Variants in PCDHGA7 observed in about 807,000 individuals in gnomAD.
PCDHGA7 encodes the protein protocadherin gamma subfamily A, 7, also known as protocadherin gamma-A7.
A neutral mutation model predicts 58.3 loss-of-function variants in PCDHGA7; 44 were observed. The observed-to-expected ratio is 0.75, with a 90% CI of 0.59 to 0.97. PCDHGA7 has a LOEUF of 0.97. PCDHGA7 is among the 50% of genes least tolerant of loss of function. The probability of loss-of-function intolerance (pLI) is 0.00; values close to 1 mark genes in which losing one functional copy is unlikely to be tolerated. For synonymous variants in PCDHGA7, 516 were observed against 504.2 expected (o/e 1.02, Z -0.31); for missense variants, 1,266 against 1,188.7 (o/e 1.06, Z -0.96).
chr5:141,417,980 C>A lies in PCDHGA7; in HGVS notation c.2424+32657C>A, dbSNP rs905203424. On this transcript the variant is annotated intron_variant, in intron 1 of 3. Transcript: ENST00000518325. ...GATCCGCTACTCGATTCCGGAGGAG[C>A]TGGCCAAGGGCTCGGTGGTGGGGAA... is the stretch of plus-strand genomic sequence containing the variant. 4.3e-6 allele frequency: 7 copies of A among 1,613,856 alleles called. No homozygotes were observed. The Admixed American group carries it at 1.0e-4, about 23-fold the overall frequency.
At chr5:141,462,302 A>C (rs2099036796) in intron 1 of PCDHGA7, among the ~76,000 whole-genome samples, 1 of 152,222 alleles carries the variant, frequency 6.6e-6, no homozygotes, top group African/African-American at 2.4e-5. Context: ...GTATTACCCA[A>C]ATATATTTGT....
rs1029080327 is a variant in PCDHGA7 at position 141,512,737 on chromosome 5, G to C, written c.*1564G>C. 6.5e-5 allele frequency: 10 copies of C among 152,868 alleles called. No individual in the cohort carries two copies. The highest frequency in any genetic ancestry group is 2.4e-4 in the African/African-American group (10 of 41,472). 9.5% of individuals were successfully genotyped at this position (152,868 alleles called of 1,614,324 possible). On this transcript the variant is annotated 3_prime_UTR_variant, in exon 4 of 4. Transcript: ENST00000518325. Reference sequence around the variant, plus strand: ...ATGGCGGGTGGGCAGCGGGCGGCGGGCTCCGCGCAGCCGTCTGTCCTTGAT... The same window carrying C: ...ATGGCGGGTGGGCAGCGGGCGGCGGCCTCCGCGCAGCCGTCTGTCCTTGAT...
chr5:141,400,645 G>A, intron 1 of PCDHGA7: 1 of 1,239,756 alleles, frequency 8.1e-7, no homozygotes, highest in Non-Finnish European at 1.2e-6. Context: ...TGCTCAGAAA[G>A]CTGTCCTACC....
chr5:141,409,861 A>C, intron 1 of PCDHGA7: 1 of 1,612,406 alleles, frequency 6.2e-7, no homozygotes, highest in Non-Finnish European at 8.5e-7. Context: ...TGTTGGTGGG[A>C]GACCGCAATG....
intron 1 of PCDHGA7, among the ~76,000 whole-genome samples, chr5:141,488,741 C>A (rs2099678972): frequency 1.3e-5 from 2 of 152,310 alleles, no homozygotes; most frequent in South Asian, 4.1e-4. Context: ...TGAAGTCATG[C>A]AGGAAGTTGC....
At chr5:141,417,872 T>G (rs2096175848) in intron 1 of PCDHGA7, 5 of 1,555,026 alleles carry the variant, frequency 3.2e-6, no homozygotes, top group African/African-American at 1.4e-5. Flanking sequence ...GGGAGGGAGC[T>G]GCGCGCAGAG....
At chr5:141,480,982 C>T (rs1258067957) in intron 1 of PCDHGA7, among the ~76,000 whole-genome samples, 1 of 152,150 alleles carries the variant, frequency 6.6e-6, no homozygotes, top group African/African-American at 2.4e-5. Context: ...TCAGTGAACC[C>T]AGGATGTGGA....
At chr5:141,481,240 T>G (rs1323124277) in intron 1 of PCDHGA7, among the ~76,000 whole-genome samples, 1 of 152,208 alleles carries the variant, frequency 6.6e-6, no homozygotes, top group Non-Finnish European at 1.5e-5. Flanking sequence ...AAGTATTACA[T>G]AGCATAGCTC....
At position 141,402,884 on chromosome 5, in the gene PCDHGA7, T is replaced by C. The variant is rs73792196; in HGVS notation, c.2424+17561T>C. Reference sequence around the variant, plus strand: ...GAAAAGATCACCATACTTTGCAGGGTGGAAGAAAGAACCTGATGAAGCAGC... The same window carrying C: ...GAAAAGATCACCATACTTTGCAGGGCGGAAGAAAGAACCTGATGAAGCAGC... On this transcript the variant is annotated intron_variant, in intron 1 of 3. Transcript: ENST00000518325. The C allele has an allele frequency of 1.4e-3, 2,074 of 1,481,580 alleles. 26 individuals carry two copies. The African/African-American group carries it at 0.026, about 18-fold the overall frequency. The allele number at this position is 1,481,580 out of a possible 1,614,324, so 91.8% of individuals were successfully genotyped here.
intron 1 of PCDHGA7, among the ~76,000 whole-genome samples, chr5:141,473,910 A>G (rs1165685707): frequency 6.6e-6 from 1 of 152,168 alleles, no homozygotes; most frequent in Non-Finnish European, 1.5e-5. Flanking sequence ...AAGAGGTCTT[A>G]AGAAAACTAT....
At position 141,489,084 on chromosome 5, in the gene PCDHGA7, C is replaced by CCGG; in HGVS notation, c.2425-5723_2425-5722insCGG. ...CTCCCCCCTGCCCACCCCCGCCACT[C>CCGG]GGTGACTAAGAACTGCTGCAAGCAG... On this transcript the variant is annotated intron_variant, in intron 1 of 3. Coordinates refer to ENST00000518325, the MANE Select transcript of PCDHGA7 (RefSeq NM_018920.4). This position sits in a 1 kb window ranked among gnomAD's most constrained non-coding sequence, Gnocchi z 4.5. The CCGG allele has an allele frequency of 3.0e-6, 1 of 329,134 alleles. No homozygotes were observed. The highest frequency in any genetic ancestry group is 2.5e-5 in the African/African-American group (1 of 40,384). 20.4% of individuals were successfully genotyped at this position (329,134 alleles called of 1,614,324 possible). A position where few individuals can be genotyped will look rare whatever the true frequency, so the allele number is the denominator to read the frequency against.
chr5:141,384,266 C>A lies in PCDHGA7; in HGVS notation c.1367C>A (p.Ser456Tyr). The A allele has an allele frequency of 6.2e-7, 1 of 1,613,876 alleles. No homozygotes were observed. The highest frequency in any genetic ancestry group is 8.5e-7 in the Non-Finnish European group (1 of 1,179,896). The change falls in exon 1 of 4, where the codon TCC (serine) becomes TAC (tyrosine). Residue 456 changes from serine (S) to tyrosine (Y), a missense_variant. Ser to Tyr is a moderately radical substitution (Grantham distance 144). Transcript: ENST00000518325. ...NDNPPTFPHSSYSVYIAENNP... is the reference protein window; with the variant it reads ...NDNPPTFPHSYYSVYIAENNP... ...AACCCACCCACCTTCCCCCACTCAT[C>A]CTACTCAGTCTACATCGCTGAGAAC...
chr5:141,397,223 TATG>T lies in PCDHGA7; in HGVS notation c.2424+11902_2424+11904del, dbSNP rs543267212. ...ATGACATAAGAGAAGTATTTTGAGA[TATG>T]AAGAAGAGCAACGTAGTAGGGTATA... is the stretch of plus-strand genomic sequence containing the variant. On this transcript the variant is annotated intron_variant, in intron 1 of 3. Coordinates refer to ENST00000518325, the MANE Select transcript of PCDHGA7 (RefSeq NM_018920.4). Among the ~76,000 whole-genome samples, 432 of 152,304 alleles carry T rather than the reference TATG, an allele frequency of 2.8e-3. 2 individuals carry two copies. Among genetic ancestry groups the T allele is most frequent in the Admixed American group, 9.4e-3 (144 of 15,310 alleles).
intron 3 of PCDHGA7, among the ~76,000 whole-genome samples, chr5:141,509,064 C>T (rs890846779): frequency 6.6e-6 from 1 of 152,184 alleles, no homozygotes; most frequent in African/African-American, 2.4e-5. Flanking sequence ...AAGCTCTCAG[C>T]TCCGGGGATT....
At chr5:141,393,602 T>G in intron 1 of PCDHGA7, 1 of 1,613,892 alleles carries the variant, frequency 6.2e-7, no homozygotes, top group Non-Finnish European at 8.5e-7. Context: ...GGCTGCTTAC[T>G]GTAACAGCCA....
At chr5:141,438,418 G>C (rs2097959406) in intron 1 of PCDHGA7, among the ~76,000 whole-genome samples, 1 of 151,534 alleles carries the variant, frequency 6.6e-6, no homozygotes, top group Admixed American at 6.6e-5. Flanking sequence ...ATTTCACACA[G>C]TAGTTTGTAC....
chr5:141,389,356 C>T lies in PCDHGA7; in HGVS notation c.2424+4033C>T, dbSNP rs188323445. 2.1e-5 allele frequency: 34 copies of T among 1,613,916 alleles called. No homozygotes were observed. The Middle Eastern group carries it at 1.6e-3, about 78-fold the overall frequency. ...GGCCAAGTCTCTTACTGCATCATGG[C>T]CAGTGACCTGGAGCAGCGGGAGCTG... On this transcript the variant is annotated intron_variant, in intron 1 of 3. Transcript: ENST00000518325.
At chr5:141,396,410 G>C (rs2093377441) in intron 1 of PCDHGA7, 1 of 152,250 alleles carries the variant, frequency 6.6e-6, no homozygotes, top group Non-Finnish European at 1.5e-5. Context: ...CCTGAGGTCA[G>C]GAGTTCAAGA....
intron 2 of PCDHGA7, among the ~76,000 whole-genome samples, chr5:141,500,877 A>AT (rs369345007): frequency 0.053 from 6,532 of 122,188 alleles, 326 homozygotes; most frequent in Admixed American, 0.19. Context: ...TTCATTTACA[A>AT]TTTTTTTTTT....
Sources: allele counts gnomAD v4.1 joint callset (sites outside exome capture counted in the v4.1 genomes callset), GRCh38; gene constraint gnomAD v4.1.1; non-coding constraint Gnocchi (gnomAD v3.1); transcripts MANE v1.5; gene names NCBI Gene and HGNC (gene_info 2026-07-23, HGNC 2026-07-21).